Variants in CFAP251 observed in about 807,000 individuals in gnomAD.
The protein encoded by CFAP251 is cilia- and flagella-associated protein 251.
Under a neutral mutation model 126.7 loss-of-function variants are expected in CFAP251, and 93 were observed. That is an observed-to-expected ratio of 0.73 (90% confidence interval 0.62 to 0.87). The LOEUF (loss-of-function observed/expected upper bound fraction) is 0.87. Among genes scored for constraint, CFAP251 ranks in the 40% least tolerant of loss-of-function variants. CFAP251 has a pLI of 0.00. For synonymous variants in CFAP251, 503 were observed against 506.9 expected, an observed-to-expected ratio of 0.99 and a Z score of 0.10; for missense variants, 1,287 against 1,389.2, an observed-to-expected ratio of 0.93 and a Z score of 1.17.
chr12:121,926,112 G>A (rs562800199), intron 3 of CFAP251, among the ~76,000 whole-genome samples: 2 of 141,286 alleles, frequency 1.4e-5, no homozygotes, highest in African/African-American at 5.3e-5. Flanking sequence ...CAATCTGCCC[G>A]CCTAGGCCTC....
At chr12:121,926,067 G>A (rs1052184119) in intron 3 of CFAP251, among the ~76,000 whole-genome samples, 18 of 131,960 alleles carry the variant, frequency 1.4e-4, no homozygotes, top group African/African-American at 4.8e-4. Context: ...GAGTTTCACC[G>A]TGTTAGCCCG....
intron 19 of CFAP251, among the ~76,000 whole-genome samples, chr12:121,980,582 G>C (rs970659780): frequency 1.3e-5 from 2 of 151,894 alleles, no homozygotes; most frequent in Non-Finnish European, 2.9e-5. Flanking sequence ...TCCTGAGCTC[G>C]AGCCATCCAC....
At chr12:121,923,120 C>T (rs77065649) in intron 2 of CFAP251, among the ~76,000 whole-genome samples, 7,867 of 151,444 alleles carry the variant, frequency 0.052, 235 homozygotes, top group East Asian at 0.073. Context: ...CCTTTTCCCC[C>T]TCCCCTCCCC....
At chr12:121,945,832 A>AT (rs1386722230) in intron 7 of CFAP251, among the ~76,000 whole-genome samples, 1 of 149,470 alleles carries the variant, frequency 6.7e-6, no homozygotes, top group Non-Finnish European at 1.5e-5. Context: ...CGCCTGGCTA[A>AT]TTTTTTTGTA....
chr12:121,967,572 G>T (rs982011883), intron 16 of CFAP251, among the ~76,000 whole-genome samples: 1 of 152,146 alleles, frequency 6.6e-6, no homozygotes, highest in Non-Finnish European at 1.5e-5. Flanking sequence ...CGTGGTGGTG[G>T]GCGCCTGTAG....
At chr12:121,962,619 T>C (rs560033415) in intron 15 of CFAP251, among the ~76,000 whole-genome samples, 1 of 151,274 alleles carries the variant, frequency 6.6e-6, no homozygotes, top group South Asian at 2.1e-4. Context: ...GGAGTTTACA[T>C]GTTGGCGGGG....
intron 21 of CFAP251, among the ~76,000 whole-genome samples, chr12:122,003,110 A>C (rs1219790182): frequency 1.3e-5 from 2 of 152,196 alleles, no homozygotes; most frequent in East Asian, 3.8e-4. Context: ...AAGGCTTTCC[A>C]GTAAGGTTTG....
At chr12:121,993,379 C>T (rs368193117) in intron 19 of CFAP251, among the ~76,000 whole-genome samples, 8,018 of 129,430 alleles carry the variant, frequency 0.062, 489 homozygotes, top group East Asian at 0.22. Context: ...AGCCTCTGCC[C>T]GGCCGCCACC....
chr12:121,934,112 C>T (rs535999280), intron 4 of CFAP251, 135 bp from the exon 5 acceptor site: 32 of 628,390 alleles, frequency 5.1e-5, no homozygotes, highest in South Asian at 8.7e-5. Flanking sequence ...GGAAGGCCAG[C>T]GGGAACAGAA....
At chr12:121,935,576 T>C (rs189875902) in intron 5 of CFAP251, among the ~76,000 whole-genome samples, 1 of 152,300 alleles carries the variant, frequency 6.6e-6, no homozygotes, top group Admixed American at 6.5e-5. Context: ...GGAGTACAGG[T>C]CAGGGATTTG....
At chr12:121,992,475 C>T in intron 19 of CFAP251, 2 of 985,142 alleles carry the variant, frequency 2.0e-6, no homozygotes, top group Non-Finnish European at 2.4e-6. Context: ...TAACTCAGGC[C>T]CTTATGAATT....
intron 19 of CFAP251, among the ~76,000 whole-genome samples, chr12:121,991,992 TA>T (rs924052711): frequency 6.8e-4 from 101 of 147,648 alleles, no homozygotes; most frequent in South Asian, 6.0e-3. Context: ...GACTATCATC[TA>T]AAAAAAAAAA....
Position 121,931,840 on chromosome 12 carries a change from C to T in CFAP251, c.842C>T (p.Thr281Ile). The T allele has an allele frequency of 6.2e-7, 1 of 1,604,748 alleles. No individual in the cohort carries two copies. Among genetic ancestry groups the T allele is most frequent in the Non-Finnish European group, 8.5e-7 (1 of 1,176,230 alleles). Residue 281 changes from threonine to isoleucine, a missense_variant, in exon 4 of 22, where the codon ACT becomes ATT. Transcript: ENST00000288912. ...QRVLLYVCAH[T>I]AIIYNVFRNN... Reference sequence around the variant, plus strand: ...GTTCTTCTGTATGTTTGTGCTCACACTGCGATCATCTACAACGTGTTCAGG... The same window carrying T: ...GTTCTTCTGTATGTTTGTGCTCACATTGCGATCATCTACAACGTGTTCAGG...
intron 17 of CFAP251, among the ~76,000 whole-genome samples, chr12:121,970,533 C>T (rs1882297772): frequency 6.6e-6 from 1 of 152,210 alleles, no homozygotes; most frequent in African/African-American, 2.4e-5. Context: ...TTACAGAGCA[C>T]CTACTGTGTG....
chr12:122,000,304 C>T (rs999783215), intron 20 of CFAP251, among the ~76,000 whole-genome samples: 2 of 152,180 alleles, frequency 1.3e-5, no homozygotes, highest in Non-Finnish European at 2.9e-5. Flanking sequence ...GTAATCCCAG[C>T]ACTTTGGGAG....
rs780109513 is a variant in CFAP251, at chr12:121,981,957, G to A, written c.3006+6272G>A. ...TGAAGATTAACTGAGTATCCGTTTC[G>A]TACAGTACACGGCACACGTTAAATG... On this transcript the variant is annotated intron_variant, in intron 19 of 21. Transcript: ENST00000288912. Among the ~76,000 whole-genome samples, 53 of 152,244 alleles carry A rather than the reference G, an allele frequency of 3.5e-4. 1 individual carries two copies. The highest frequency in any genetic ancestry group is 3.4e-3 in the Middle Eastern group (1 of 294).
At position 121,962,172 on chromosome 12, in the gene CFAP251, C is replaced by G. The variant is rs553964649; in HGVS notation, c.2492+10C>G. ...CTACCAAAATGTGCAGGTAAGCACC[C>G]GGAGCTTCCCATTGCAGGGGGCGTG... On this transcript the variant is annotated intron_variant, in intron 15 of 21. Coordinates refer to ENST00000288912, the MANE Select transcript of CFAP251 (RefSeq NM_144668.6). 70 of 1,610,392 alleles carry G rather than the reference C, an allele frequency of 4.3e-5. No individual in the cohort carries two copies. Among genetic ancestry groups the G allele is most frequent in the African/African-American group, 1.3e-5 (1 of 74,852 alleles).
intron 19 of CFAP251, among the ~76,000 whole-genome samples, chr12:121,984,674 G>A (rs2135806885): frequency 6.6e-6 from 1 of 152,292 alleles, no homozygotes; most frequent in African/African-American, 2.4e-5. Context: ...TAGCTTAGGT[G>A]TCATCGTTTC....
In CFAP251 at chr12:121,975,687, T is replaced by C; in HGVS notation, c.3006+2T>C. The C allele has an allele frequency of 6.4e-7, 1 of 1,556,160 alleles. No homozygotes were observed. The highest frequency in any genetic ancestry group is 8.7e-7 in the Non-Finnish European group (1 of 1,155,032). ...GGCTTTTACCCATCTGAAGAGAAGG[T>C]AGGGAGAACGAAAACAAGAGCAGCA... is the stretch of plus-strand genomic sequence containing the variant. On this transcript the variant is annotated splice_donor_variant, in intron 19 of 21. Transcript: ENST00000288912. LOFTEE classifies it high-confidence loss of function.
Sources: allele counts gnomAD v4.1 joint callset (sites outside exome capture counted in the v4.1 genomes callset), GRCh38; gene constraint gnomAD v4.1.1; transcripts MANE v1.5; gene names NCBI Gene and HGNC (gene_info 2026-07-23, HGNC 2026-07-21).